BIN1: variants seen among roughly 807,000 people sequenced by gnomAD.
BIN1 encodes myc box-dependent-interacting protein 1.
Under a neutral mutation model 82.0 loss-of-function variants are expected in BIN1, and 53 were observed. The ratio of observed to expected loss-of-function variants is 0.65; its 90% confidence interval spans 0.52 to 0.81. The LOEUF is 0.81. Among genes scored for constraint, BIN1 ranks in the 40% least tolerant of loss-of-function variants. BIN1 has a pLI of 0.00. For synonymous variants in BIN1, 302 were observed against 328.0 expected (o/e 0.92, Z 0.86); for missense variants, 642 against 784.4 (o/e 0.82, Z 2.17).
rs1679191904 is a variant in BIN1, at chr2:127,093,419, T to A, written c.84+13441A>T. Among the ~76,000 whole-genome samples the A allele has an allele frequency of 6.6e-6, 1 of 152,104 alleles. No individual in the cohort carries two copies. Among genetic ancestry groups the A allele is most frequent in the Non-Finnish European group, 1.5e-5 (1 of 68,022 alleles). On this transcript the variant is annotated intron_variant, in intron 1 of 18. Transcript: ENST00000316724. This position sits in a 1 kb window ranked among gnomAD's most constrained non-coding sequence, Gnocchi z 5.7. ...AAGCCAGCCATGAAACCCAGATAGT[T>A]CACTCTCTCCCACTCCCTTCACCCC...
chr2:127,099,389 C>T (rs1316346444), intron 1 of BIN1, among the ~76,000 whole-genome samples: 3 of 151,864 alleles, frequency 2.0e-5, no homozygotes, highest in East Asian at 3.9e-4. Context: ...GGGGCAGTGT[C>T]GGCAGCATGG....
intron 15 of BIN1, 84 bp from the exon 16 acceptor site, chr2:127,051,327 C>A: frequency 6.9e-7 from 1 of 1,443,620 alleles, no homozygotes; most frequent in Non-Finnish European, 9.6e-7. Flanking sequence ...AGGGCAGCAC[C>A]CAAGCGACAG....
intron 1 of BIN1, among the ~76,000 whole-genome samples, chr2:127,087,639 C>T (rs989377626): frequency 9.2e-5 from 14 of 152,320 alleles, no homozygotes; most frequent in Admixed American, 3.9e-4. Context: ...GCAGGACGGA[C>T]GGCAGAGCAG....
intron 1 of BIN1, among the ~76,000 whole-genome samples, chr2:127,101,250 CA>C (rs1680316754): frequency 6.6e-6 from 1 of 152,188 alleles, no homozygotes; most frequent in African/African-American, 2.4e-5. Flanking sequence ...GGAGGCTTGC[CA>C]AACAGGCAGC....
Position 127,048,366 on chromosome 2 carries a change from G to T in BIN1, c.*160C>A. The T allele has an allele frequency of 2.9e-6, 2 of 684,574 alleles. No homozygotes were observed. Among genetic ancestry groups the T allele is most frequent in the Non-Finnish European group, 5.0e-6 (2 of 401,676 alleles). 42.4% of individuals were successfully genotyped at this position (684,574 alleles called of 1,614,324 possible). A position where few individuals can be genotyped will look rare whatever the true frequency, so the allele number is the denominator to read the frequency against. ...GCCGGGACGCGGCTCTTTGGAAAAC[G>T]ACCTAATCTTTGGGAGAACGCCCCT... On this transcript the variant is annotated 3_prime_UTR_variant, in exon 19 of 19. Coordinates refer to ENST00000316724, the MANE Select transcript of BIN1 (RefSeq NM_139343.3).
chr2:127,099,100 G>A (rs752890915), intron 1 of BIN1, among the ~76,000 whole-genome samples: 50 of 152,108 alleles, frequency 3.3e-4, no homozygotes, highest in Non-Finnish European at 6.5e-4. Flanking sequence ...CATCCCTCCC[G>A]CTCCCACCCT....
chr2:127,088,468 G>A (rs1424844755), intron 1 of BIN1, among the ~76,000 whole-genome samples: 1 of 152,112 alleles, frequency 6.6e-6, no homozygotes, highest in African/African-American at 2.4e-5. Flanking sequence ...GGGTGCGGTG[G>A]CTCACACCTG....
chr2:127,103,871 G>A (rs192765028), intron 1 of BIN1, among the ~76,000 whole-genome samples: 26 of 152,230 alleles, frequency 1.7e-4, no homozygotes, highest in East Asian at 7.7e-4. Context: ...ATGACCTCAC[G>A]GCGCCCACAG....
At chr2:127,086,012 C>T (rs1243865649) in intron 1 of BIN1, among the ~76,000 whole-genome samples, 1 of 152,062 alleles carries the variant, frequency 6.6e-6, no homozygotes, top group Non-Finnish European at 1.5e-5. Flanking sequence ...GTAAGCTCCA[C>T]AAAGCTCACA....
chr2:127,073,621 A>AC (rs774230731), intron 2 of BIN1, among the ~76,000 whole-genome samples: 36 of 151,930 alleles, frequency 2.4e-4, no homozygotes, highest in Admixed American at 1.1e-3. Flanking sequence ...TCCTACGTGG[A>AC]CCCCCTCTGG....
intron 18 of BIN1, among the ~76,000 whole-genome samples, chr2:127,048,905 T>C (rs1038094682): frequency 1.8e-4 from 28 of 152,220 alleles, no homozygotes; most frequent in African/African-American, 5.8e-4. Context: ...ACTGCATGCA[T>C]GATGTGCACA....
rs1035165313 is a variant in BIN1, at chr2:127,068,906, C to T, written c.519+18G>A. 2.5e-6 allele frequency: 4 copies of T among 1,609,452 alleles called. No homozygotes were observed. In the Admixed American group the frequency reaches 5.0e-5, roughly 20 times the overall value. On this transcript the variant is annotated intron_variant, in intron 6 of 18. Coordinates refer to ENST00000316724, the MANE Select transcript of BIN1 (RefSeq NM_139343.3). The surrounding 1 kb of genome is among the most constrained non-coding windows in gnomAD (Gnocchi z 4.9). Reference sequence around the variant, plus strand: ...CAGCCCCCTGCAGACGCTGCCCCGACCCGCCTCCAGCCCTTACCTTGGCAA... The same window carrying T: ...CAGCCCCCTGCAGACGCTGCCCCGATCCGCCTCCAGCCCTTACCTTGGCAA...
intron 1 of BIN1, among the ~76,000 whole-genome samples, chr2:127,077,521 G>C (rs1686774660): frequency 6.6e-6 from 1 of 151,786 alleles, no homozygotes; most frequent in African/African-American, 2.4e-5. Context: ...GCGCTGGCCA[G>C]GACCCTGAGA....
Position 127,059,304 on chromosome 2 carries a change from G to C in BIN1, c.858-149C>G. ...TGTGTGTGTGTGTGTATGTGAGAGA[G>C]AGCAGGAGGGTGGGGGGAGCCAAGG... On this transcript the variant is annotated intron_variant, in intron 10 of 18. Coordinates refer to ENST00000316724, the MANE Select transcript of BIN1 (RefSeq NM_139343.3). This position sits in a 1 kb window ranked among gnomAD's most constrained non-coding sequence, Gnocchi z 6.7. The C allele has an allele frequency of 1.5e-6, 1 of 674,054 alleles. No individual in the cohort carries two copies. Among genetic ancestry groups the C allele is most frequent in the South Asian group, 1.7e-5 (1 of 57,972 alleles). 41.8% of individuals were successfully genotyped at this position (674,054 alleles called of 1,614,324 possible).
In BIN1 at chr2:127,082,833, C is replaced by T. The variant is rs375414442; in HGVS notation, c.85-6127G>A. 2.7e-5 allele frequency among the ~76,000 whole-genome samples: 4 copies of T among 150,146 alleles called. No individual in the cohort carries two copies. The highest frequency in any genetic ancestry group is 9.8e-5 in the African/African-American group (4 of 40,762). On this transcript the variant is annotated intron_variant, in intron 1 of 18. Transcript: ENST00000316724. The surrounding 1 kb of genome is among the most constrained non-coding windows in gnomAD (Gnocchi z 6.1). ...CTCCCCACCTCTGGGTGGAGAGTCT[C>T]GGTGGCCTCCAACAATCTAGGTGCC...
chr2:127,060,554 G>C, intron 10 of BIN1: 1 of 1,613,448 alleles, frequency 6.2e-7, no homozygotes, highest in Non-Finnish European at 8.5e-7. Flanking sequence ...GCCAGCCAGG[G>C]CGCGGGCCTC....
At chr2:127,063,494 C>T in intron 9 of BIN1, 77 bp downstream of exon 9, 5 of 1,458,092 alleles carry the variant, frequency 3.4e-6, no homozygotes, top group East Asian at 2.4e-5. Flanking sequence ...GGAGTTCAGG[C>T]TGCCCCTCCC....
Position 127,089,488 on chromosome 2 carries a change from G to T in BIN1, c.85-12782C>A, listed in dbSNP as rs75711248. Among the ~76,000 whole-genome samples the T allele has an allele frequency of 7.9e-3, 1,198 of 152,318 alleles. 18 individuals carry two copies. The highest frequency in any genetic ancestry group is 0.027 in the African/African-American group (1,122 of 41,568). ...GAGGGAAGGGGTGGTCATCACCTGA[G>T]ATGGGGACACGTGTTGGGGTAACAG... On this transcript the variant is annotated intron_variant, in intron 1 of 18. Transcript: ENST00000316724.
intron 2 of BIN1, among the ~76,000 whole-genome samples, chr2:127,075,702 T>C (rs1573681051): frequency 9.9e-6 from 1 of 101,148 alleles, no homozygotes; most frequent in South Asian, 3.5e-4. Flanking sequence ...CTCCCAGCCC[T>C]CTCCCAGAAT....
Sources: gnomAD v4.1 joint callset for allele counts (sites outside exome capture counted in the v4.1 genomes callset) on GRCh38, gnomAD v4.1.1 for gene constraint, Gnocchi (gnomAD v3.1) non-coding constraint, MANE v1.5 for transcripts, NCBI Gene and HGNC (gene_info 2026-07-23, HGNC 2026-07-21) for gene names.